Variants in IMMP2L observed in about 807,000 individuals in gnomAD.
IMMP2L encodes the protein inner mitochondrial membrane peptidase subunit 2.
Under a neutral mutation model 19.3 loss-of-function variants are expected in IMMP2L, and 18 were observed. That is an observed-to-expected ratio of 0.93 (90% CI 0.64 to 1.38). The LOEUF is 1.38. IMMP2L is among the 40% of genes most tolerant of loss of function. The pLI is 0.00. For synonymous variants in IMMP2L, 76 were observed against 73.0 expected, an observed-to-expected ratio of 1.04 and a Z score of -0.21; for missense variants, 233 against 218.2, an observed-to-expected ratio of 1.07 and a Z score of -0.43.
chr7:111,260,566 G>A (rs77730471), intron 3 of IMMP2L, among the ~76,000 whole-genome samples: 1,780 of 152,204 alleles, frequency 0.012, 15 homozygotes, highest in Non-Finnish European at 0.017. Flanking sequence ...AAAATTTTGG[G>A]ATGGCACCTA....
intron 4 of IMMP2L, among the ~76,000 whole-genome samples, chr7:110,908,066 T>C (rs1434194141): frequency 6.6e-6 from 1 of 152,192 alleles, no homozygotes; most frequent in African/African-American, 2.4e-5. Context: ...AAATATTATG[T>C]AGTTTTTGGT....
chr7:111,076,738 T>TTTTACCAGAGATGGG (rs1205895290), intron 3 of IMMP2L, among the ~76,000 whole-genome samples: 1 of 152,162 alleles, frequency 6.6e-6, no homozygotes, highest in Non-Finnish European at 1.5e-5. Context: ...AGAGGTGATA[T>TTTTACCAGAGATGGG]TTTACCAGAG....
At chr7:111,545,688 A>C (rs944311706) in intron 1 of IMMP2L, among the ~76,000 whole-genome samples, 2 of 152,142 alleles carry the variant, frequency 1.3e-5, no homozygotes, top group African/African-American at 4.8e-5. Flanking sequence ...AGATACATGA[A>C]CTGCAGGATT....
chr7:111,016,909 T>TA (rs1825749152), intron 3 of IMMP2L, among the ~76,000 whole-genome samples: 1 of 92,308 alleles, frequency 1.1e-5, no homozygotes, highest in African/African-American at 4.6e-5. Context: ...TTATATATAA[T>TA]TATATATATA....
chr7:110,997,381 T>C (rs1350462251), intron 3 of IMMP2L, among the ~76,000 whole-genome samples: 1 of 152,126 alleles, frequency 6.6e-6, no homozygotes, highest in East Asian at 1.9e-4. Flanking sequence ...TTTGTATCAA[T>C]GTAAGTTTCC....
chr7:110,929,891 C>T (rs931819452), intron 4 of IMMP2L, among the ~76,000 whole-genome samples: 5 of 151,962 alleles, frequency 3.3e-5, no homozygotes, highest in Admixed American at 2.0e-4. Flanking sequence ...TGAATTTCAT[C>T]GAGTTCCCAA....
intron 5 of IMMP2L, 99 bp from the exon 6 acceptor site, chr7:110,663,820 C>A: frequency 3.8e-6 from 3 of 779,758 alleles, no homozygotes; most frequent in Non-Finnish European, 5.9e-6. Context: ...GTTTAACATC[C>A]CAGGGAGAAG....
chr7:110,919,523 C>T (rs1007245157), intron 4 of IMMP2L, among the ~76,000 whole-genome samples: 1 of 152,158 alleles, frequency 6.6e-6, no homozygotes, highest in Admixed American at 6.5e-5. Context: ...TGCGGGTATG[C>T]TTTCAAGCAC....
At chr7:111,001,974 T>C (rs952388970) in intron 3 of IMMP2L, among the ~76,000 whole-genome samples, 5 of 151,684 alleles carry the variant, frequency 3.3e-5, no homozygotes, top group Non-Finnish European at 5.9e-5. Context: ...TCTAGGCATG[T>C]GGTCAAGAAA....
At chr7:110,940,796 G>A (rs969390589) in intron 4 of IMMP2L, among the ~76,000 whole-genome samples, 1 of 152,110 alleles carries the variant, frequency 6.6e-6, no homozygotes, top group African/African-American at 2.4e-5. Flanking sequence ...TACCTGAGGT[G>A]TCATGGGAAA....
intron 2 of IMMP2L, among the ~76,000 whole-genome samples, chr7:111,502,036 TAA>T (rs199970431): frequency 0.019 from 2,897 of 152,142 alleles, 46 homozygotes; most frequent in Non-Finnish European, 0.026. Flanking sequence ...GCAAATTGGA[TAA>T]AGAGTCATAC....
chr7:111,029,772 A>T (rs1340611087), intron 3 of IMMP2L, among the ~76,000 whole-genome samples: 1 of 152,176 alleles, frequency 6.6e-6, no homozygotes. Flanking sequence ...AATTTCAGCC[A>T]CTTCAATCCA....
At chr7:111,032,120 T>C (rs1412157818) in intron 3 of IMMP2L, among the ~76,000 whole-genome samples, 1 of 152,042 alleles carries the variant, frequency 6.6e-6, no homozygotes, top group Non-Finnish European at 1.5e-5. Flanking sequence ...TTTGTATTTT[T>C]AGTAGAGACA....
chr7:111,532,084 T>C (rs1051350128), intron 1 of IMMP2L, among the ~76,000 whole-genome samples: 2 of 151,700 alleles, frequency 1.3e-5, no homozygotes, highest in African/African-American at 4.8e-5. Context: ...AAGAAAAAGG[T>C]AGTAACACTC....
intron 5 of IMMP2L, among the ~76,000 whole-genome samples, chr7:110,854,490 C>T (rs1305638683): frequency 6.6e-6 from 1 of 151,832 alleles, no homozygotes; most frequent in Non-Finnish European, 1.5e-5. Context: ...TAAAACTGTG[C>T]TTTTTGCTCC....
At chr7:110,806,100 T>A (rs1335333330) in intron 5 of IMMP2L, among the ~76,000 whole-genome samples, 1 of 151,970 alleles carries the variant, frequency 6.6e-6, no homozygotes, top group Non-Finnish European at 1.5e-5. Context: ...TTGTTATTGA[T>A]CACAGAGGGA....
At chr7:110,676,186 TTA>T (rs1262233859) in intron 5 of IMMP2L, among the ~76,000 whole-genome samples, 3 of 152,232 alleles carry the variant, frequency 2.0e-5, no homozygotes, top group African/African-American at 7.2e-5. Context: ...ATGTAATAAT[TTA>T]TGTTTCCATC....
chr7:110,735,477 A>C (rs1796554350), intron 5 of IMMP2L, among the ~76,000 whole-genome samples: 1 of 151,928 alleles, frequency 6.6e-6, no homozygotes, highest in Non-Finnish European at 1.5e-5. Context: ...CCACTTCAAA[A>C]GGAAGCCAGA....
chr7:111,353,068 A>C (rs962600960), intron 3 of IMMP2L, among the ~76,000 whole-genome samples: 1 of 152,196 alleles, frequency 6.6e-6, no homozygotes, highest in Non-Finnish European at 1.5e-5. Context: ...CATGTCATTC[A>C]ATATGGGACA....
Sources: allele counts gnomAD v4.1 joint callset (sites outside exome capture counted in the v4.1 genomes callset), GRCh38; gene constraint gnomAD v4.1.1; transcripts MANE v1.5; gene names NCBI Gene and HGNC (gene_info 2026-07-23, HGNC 2026-07-21).